The following GRM7 variants were observed in gnomAD, a reference collection of about 807,000 sequenced individuals.
The protein encoded by GRM7 is metabotropic glutamate receptor 7.
Under a neutral mutation model 84.5 loss-of-function variants are expected in GRM7, and 35 were observed. That is an observed-to-expected ratio of 0.41 (90% CI 0.32 to 0.55). GRM7 has a LOEUF of 0.55. Among genes scored for constraint, GRM7 ranks in the 20% least tolerant of loss-of-function variants. The pLI is 0.19. For missense variants in GRM7, 1,003 were observed against 1,194.6 expected, an observed-to-expected ratio of 0.84 and a Z score of 2.36; for synonymous variants, 487 against 455.1, an observed-to-expected ratio of 1.07 and a Z score of -0.89.
chr3:7,477,186 A>G (rs1397446743), intron 7 of GRM7, among the ~76,000 whole-genome samples: 1 of 152,190 alleles, frequency 6.6e-6, no homozygotes, highest in Non-Finnish European at 1.5e-5. Flanking sequence ...AGACATTATT[A>G]GAGATTTCAA....
At chr3:7,287,970 T>G (rs540455800) in intron 2 of GRM7, among the ~76,000 whole-genome samples, 2 of 152,324 alleles carry the variant, frequency 1.3e-5, no homozygotes, top group Admixed American at 1.3e-4. Flanking sequence ...TTTATAACTC[T>G]AATTTTGATA....
In GRM7 at chr3:7,245,162, C is replaced by A. The variant is rs540031526; in HGVS notation, c.737-53522C>A. Among the ~76,000 whole-genome samples, 7 of 151,888 alleles carry A rather than the reference C, an allele frequency of 4.6e-5. No homozygotes were observed. The South Asian group carries it at 1.5e-3, about 32-fold the overall frequency. On this transcript the variant is annotated intron_variant, in intron 2 of 9. Transcript: ENST00000357716. ...TTGAAAAATTTAAAAAACAAATAACCTGTGAGATAATATCAAGTAGCATGA... is the reference window on the plus strand; with the variant it reads ...TTGAAAAATTTAAAAAACAAATAACATGTGAGATAATATCAAGTAGCATGA...
At chr3:7,185,254 C>T (rs1174401964) in intron 2 of GRM7, among the ~76,000 whole-genome samples, 1 of 152,182 alleles carries the variant, frequency 6.6e-6, no homozygotes, top group Non-Finnish European at 1.5e-5. Flanking sequence ...TCAACACCTT[C>T]ACAGGGAGTT....
At chr3:7,541,733 A>C (rs1692893390) in intron 7 of GRM7, among the ~76,000 whole-genome samples, 1 of 152,222 alleles carries the variant, frequency 6.6e-6, no homozygotes, top group African/African-American at 2.4e-5. Flanking sequence ...GCTTGCCTTC[A>C]ATCACTTAGA....
At position 7,517,542 on chromosome 3, in the gene GRM7, G is replaced by A. The variant is rs942200820; in HGVS notation, c.1515+55820G>A. 3.3e-5 allele frequency among the ~76,000 whole-genome samples: 5 copies of A among 152,172 alleles called. No homozygotes were observed. In the East Asian group the frequency reaches 7.8e-4, roughly 24 times the overall value. On this transcript the variant is annotated intron_variant, in intron 7 of 9. Coordinates refer to ENST00000357716, the MANE Select transcript of GRM7 (RefSeq NM_000844.4). ...CGAGTAGCTGGGATTACAGGCACCT[G>A]CCACCATACCTAGCCAATTTTTGTA...
chr3:7,391,816 G>A (rs551923928), intron 4 of GRM7, among the ~76,000 whole-genome samples: 131 of 151,844 alleles, frequency 8.6e-4, no homozygotes, highest in African/African-American at 2.9e-3. Context: ...AATGAAGAAC[G>A]ATGAAAAATG....
intron 7 of GRM7, among the ~76,000 whole-genome samples, chr3:7,463,268 A>C (rs1276747358): frequency 1.3e-5 from 2 of 152,208 alleles, no homozygotes; most frequent in Non-Finnish European, 2.9e-5. Context: ...AATATCCGTA[A>C]GAGTTCCCAA....
At chr3:7,323,420 C>G (rs1328386910) in intron 4 of GRM7, among the ~76,000 whole-genome samples, 6 of 152,124 alleles carry the variant, frequency 3.9e-5, no homozygotes, top group African/African-American at 1.2e-4. Flanking sequence ...GATCCTAAAT[C>G]TTTGTAATGT....
At chr3:7,693,664 A>C in intron 9 of GRM7, 1 of 1,530,986 alleles carries the variant, frequency 6.5e-7, no homozygotes, top group Non-Finnish European at 8.8e-7. Flanking sequence ...GACCATCTGC[A>C]CTGGCATCTA....
chr3:7,345,218 T>A (rs906416875), intron 4 of GRM7, among the ~76,000 whole-genome samples: 32 of 152,178 alleles, frequency 2.1e-4, no homozygotes, highest in African/African-American at 7.2e-4. Flanking sequence ...TATATGGGGT[T>A]GTTTATAAAA....
chr3:6,924,203 A>T (rs933519459), intron 1 of GRM7, among the ~76,000 whole-genome samples: 14 of 152,200 alleles, frequency 9.2e-5, no homozygotes, highest in African/African-American at 3.1e-4. Flanking sequence ...ACTGACTTTC[A>T]TCAGATTTGG....
chr3:7,472,234 T>C (rs949218039), intron 7 of GRM7, among the ~76,000 whole-genome samples: 1 of 152,168 alleles, frequency 6.6e-6, no homozygotes, highest in Non-Finnish European at 1.5e-5. Flanking sequence ...TATATCACAA[T>C]CATGAGCCAA....
intron 7 of GRM7, among the ~76,000 whole-genome samples, chr3:7,489,366 A>G (rs1400916957): frequency 6.6e-6 from 1 of 152,182 alleles, no homozygotes; most frequent in Non-Finnish European, 1.5e-5. Context: ...TATCCACAGT[A>G]TCCTTGGGAT....
At chr3:7,274,752 T>G (rs1345342510) in intron 2 of GRM7, among the ~76,000 whole-genome samples, 1 of 151,820 alleles carries the variant, frequency 6.6e-6, no homozygotes, top group East Asian at 1.9e-4. Flanking sequence ...AGTTGTAGTT[T>G]TGTTGTTGTT....
intron 8 of GRM7, among the ~76,000 whole-genome samples, chr3:7,597,874 A>G (rs894284765): frequency 6.6e-6 from 1 of 152,192 alleles, no homozygotes; most frequent in Non-Finnish European, 1.5e-5. Context: ...CACATCATAA[A>G]TGAGGAATAA....
intron 2 of GRM7, among the ~76,000 whole-genome samples, chr3:7,200,964 A>ATTTTTTTTTTTTTTTTTTTT (rs71625339): frequency 1.0e-5 from 1 of 98,162 alleles, no homozygotes; most frequent in Non-Finnish European, 1.9e-5. Context: ...ACATTTCAGA[A>ATTTTTTTTTTTTTTTTTTTT]TTTTTTTTTT....
At chr3:7,165,517 T>C (rs959907739) in intron 2 of GRM7, among the ~76,000 whole-genome samples, 1 of 152,252 alleles carries the variant, frequency 6.6e-6, no homozygotes, top group African/African-American at 2.4e-5. Context: ...TATGGTTTTC[T>C]GCTTTCTGTC....
At chr3:7,715,364 T>C (rs1423412975) in intron 9 of GRM7, among the ~76,000 whole-genome samples, 1 of 152,122 alleles carries the variant, frequency 6.6e-6, no homozygotes, top group Non-Finnish European at 1.5e-5. Flanking sequence ...TCCCAACTAC[T>C]TAGGAGGCTG....
In GRM7 at chr3:6,897,159, C is replaced by G. The variant is rs150297130; in HGVS notation, c.519+35252C>G. 3.6e-3 allele frequency among the ~76,000 whole-genome samples: 554 copies of G among 152,274 alleles called. 6 individuals are homozygous for G. The highest frequency in any genetic ancestry group is 0.013 in the African/African-American group (523 of 41,554). On this transcript the variant is annotated intron_variant, in intron 1 of 9. Coordinates refer to ENST00000357716, the MANE Select transcript of GRM7 (RefSeq NM_000844.4). Reference sequence around the variant, plus strand: ...TTTTGAATTCCAGCTGGGAAATCAGCTGGAAATGAACCCTAAAAGTTCTGT... The same window carrying G: ...TTTTGAATTCCAGCTGGGAAATCAGGTGGAAATGAACCCTAAAAGTTCTGT...
Sources: allele counts gnomAD v4.1 joint callset (sites outside exome capture counted in the v4.1 genomes callset), GRCh38; gene constraint gnomAD v4.1.1; transcripts MANE v1.5; gene names NCBI Gene and HGNC (gene_info 2026-07-23, HGNC 2026-07-21).